Variants in FHIT observed in about 807,000 individuals in gnomAD.
FHIT encodes the protein fragile histidine triad diadenosine triphosphatase.
A neutral mutation model predicts 17.9 loss-of-function variants in FHIT; 19 were observed. That is an observed-to-expected ratio of 1.06 (90% CI 0.74 to 1.56). FHIT has a LOEUF of 1.56. FHIT is among the 40% of genes most tolerant of loss of function. The probability of loss-of-function intolerance (pLI) is 0.00; values close to 1 mark genes in which losing one functional copy is unlikely to be tolerated. For synonymous variants in FHIT, 81 were observed against 69.7 expected (o/e 1.16, Z -0.81); for missense variants, 248 against 189.2 (o/e 1.31, Z -1.82).
At chr3:60,344,668 C>T (rs977763703) in intron 5 of FHIT, among the ~76,000 whole-genome samples, 20 of 152,074 alleles carry the variant, frequency 1.3e-4, no homozygotes, top group African/African-American at 3.6e-4. Context: ...TAGAAGATAA[C>T]GTGTTGACTT....
rs1402562711 is a variant in FHIT, at chr3:59,850,344, C to T, written c.348+72002G>A. Among the ~76,000 whole-genome samples the T allele has an allele frequency of 2.6e-5, 4 of 152,150 alleles. No homozygotes were observed. In the South Asian group the frequency reaches 6.2e-4, roughly 24 times the overall value. The stretch of plus-strand genomic sequence containing the variant: ...TACTTTAATTCCTAATTTGCAGCTG[C>T]ATAAGTACTATGTTGGGCCCAAAGC... On this transcript the variant is annotated intron_variant, in intron 8 of 9. Transcript: ENST00000492590.
intron 8 of FHIT, among the ~76,000 whole-genome samples, chr3:59,888,593 T>C (rs1179531619): frequency 1.3e-5 from 2 of 152,226 alleles, no homozygotes; most frequent in African/African-American, 4.8e-5. Flanking sequence ...CTTTTAAACA[T>C]TAGCTCTATA....
At chr3:59,937,909 C>T (rs1706320404) in intron 7 of FHIT, among the ~76,000 whole-genome samples, 1 of 152,070 alleles carries the variant, frequency 6.6e-6, no homozygotes, top group Non-Finnish European at 1.5e-5. Flanking sequence ...TTACATTTTC[C>T]TTCTAACTCA....
intron 8 of FHIT, among the ~76,000 whole-genome samples, chr3:59,868,467 T>A (rs1056031774): frequency 6.6e-6 from 1 of 152,206 alleles, no homozygotes; most frequent in Admixed American, 6.5e-5. Flanking sequence ...TCCCTTGATA[T>A]AAAAAGCAAA....
chr3:60,700,172 T>C (rs2041213076), intron 4 of FHIT, among the ~76,000 whole-genome samples: 1 of 150,668 alleles, frequency 6.6e-6, no homozygotes. Context: ...GTATGTGGTA[T>C]ATAAAATAAG....
chr3:61,174,634 AT>A (rs1180266148), intron 2 of FHIT, among the ~76,000 whole-genome samples: 1 of 152,240 alleles, frequency 6.6e-6, no homozygotes, highest in Non-Finnish European at 1.5e-5. Context: ...TTCACATGCT[AT>A]AGCCAGGCCA....
chr3:60,039,256 C>G (rs142856775), intron 5 of FHIT, among the ~76,000 whole-genome samples: 2 of 152,304 alleles, frequency 1.3e-5, no homozygotes, highest in African/African-American at 2.4e-5. Flanking sequence ...GCCAAAGTTC[C>G]TTTAAGGACC....
intron 5 of FHIT, among the ~76,000 whole-genome samples, chr3:60,472,837 G>T (rs998704582): frequency 3.0e-4 from 45 of 152,226 alleles, no homozygotes; most frequent in African/African-American, 1.1e-3. Context: ...AAACCAAGTT[G>T]GGGGTGGGGG....
intron 5 of FHIT, among the ~76,000 whole-genome samples, chr3:60,443,626 C>T (rs868369222): frequency 6.6e-6 from 1 of 152,112 alleles, no homozygotes; most frequent in Non-Finnish European, 1.5e-5. Flanking sequence ...ATGAAGCCCA[C>T]TTGATCATGG....
chr3:59,970,705 C>T (rs1224149550), intron 7 of FHIT, among the ~76,000 whole-genome samples: 2 of 152,024 alleles, frequency 1.3e-5, no homozygotes, highest in African/African-American at 4.8e-5. Context: ...ACTCATCCTG[C>T]CATTTGTTAA....
intron 4 of FHIT, among the ~76,000 whole-genome samples, chr3:60,640,088 A>G (rs774500124): frequency 1.3e-5 from 2 of 152,202 alleles, no homozygotes; most frequent in Admixed American, 1.3e-4. Flanking sequence ...AATCACCGCT[A>G]GTGACAGAAA....
chr3:61,072,018 C>T (rs1201139316), intron 2 of FHIT, among the ~76,000 whole-genome samples: 1 of 152,262 alleles, frequency 6.6e-6, no homozygotes, highest in East Asian at 1.9e-4. Context: ...CCCTCATGCC[C>T]CCTCATTTGG....
rs73100606 is a variant in FHIT at position 59,876,660 on chromosome 3, C to A, written c.348+45686G>T. 3.9e-5 allele frequency among the ~76,000 whole-genome samples: 6 copies of A among 152,330 alleles called. No homozygotes were observed. In the East Asian group the frequency reaches 9.6e-4, roughly 24 times the overall value. ...AGGTCAAAATGACTAGTAGAGAACACCTCCTGCCACTAAGGGGTAAGAGTA... is the reference window on the plus strand; with the variant it reads ...AGGTCAAAATGACTAGTAGAGAACAACTCCTGCCACTAAGGGGTAAGAGTA... On this transcript the variant is annotated intron_variant, in intron 8 of 9. Transcript: ENST00000492590.
At chr3:60,393,666 GT>G (rs894187957) in intron 5 of FHIT, among the ~76,000 whole-genome samples, 10 of 151,544 alleles carry the variant, frequency 6.6e-5, no homozygotes, top group South Asian at 2.1e-4. Context: ...TTCTTCCTAC[GT>G]TTTTTTTATT....
At chr3:60,469,841 G>T (rs979434351) in intron 5 of FHIT, among the ~76,000 whole-genome samples, 1 of 152,064 alleles carries the variant, frequency 6.6e-6, no homozygotes, top group African/African-American at 2.4e-5. Flanking sequence ...TAAGTTTTTG[G>T]TCACTTTACC....
chr3:59,904,822 T>G (rs1019846259), intron 8 of FHIT, among the ~76,000 whole-genome samples: 9 of 150,562 alleles, frequency 6.0e-5, no homozygotes, highest in African/African-American at 2.3e-4. Context: ...CCTGTGTGGC[T>G]GGGCCTGGGG....
At chr3:60,101,961 T>G (rs1198969095) in intron 5 of FHIT, among the ~76,000 whole-genome samples, 1 of 152,242 alleles carries the variant, frequency 6.6e-6, no homozygotes, top group East Asian at 1.9e-4. Flanking sequence ...AGTCTAATTC[T>G]GCTCAAGGAT....
chr3:59,783,937 T>A (rs1318440482), intron 8 of FHIT, among the ~76,000 whole-genome samples: 1 of 152,058 alleles, frequency 6.6e-6, no homozygotes, highest in African/African-American at 2.4e-5. Context: ...TATTTCTGAG[T>A]CATGTGAATG....
At position 60,484,794 on chromosome 3, in the gene FHIT, A is replaced by T. The variant is rs151035461; in HGVS notation, c.103+52066T>A. On this transcript the variant is annotated intron_variant, in intron 5 of 9. Transcript: ENST00000492590. Reference sequence around the variant, plus strand: ...CCAAAAGCAATTGCAACAAAGGTCAAAATTGACAAATGGGATCTAACTAAA... The same window carrying T: ...CCAAAAGCAATTGCAACAAAGGTCATAATTGACAAATGGGATCTAACTAAA... 2.0e-4 allele frequency among the ~76,000 whole-genome samples: 31 copies of T among 152,338 alleles called. No homozygotes were observed. The East Asian group carries it at 6.0e-3, about 29-fold the overall frequency.
Sources: gnomAD v4.1 joint callset for allele counts (sites outside exome capture counted in the v4.1 genomes callset) on GRCh38, gnomAD v4.1.1 for gene constraint, MANE v1.5 for transcripts, NCBI Gene and HGNC (gene_info 2026-07-23, HGNC 2026-07-21) for gene names.